PARD3B: variants seen among roughly 807,000 people sequenced by gnomAD.
PARD3B encodes the protein par-3 family cell polarity regulator beta, also known as partitioning defective 3 homolog B.
PARD3B carries 103 observed loss-of-function variants against 130.2 expected under a neutral mutation model. The observed-to-expected ratio is 0.79, with a 90% CI of 0.67 to 0.93. The LOEUF (loss-of-function observed/expected upper bound fraction) is 0.93. PARD3B is among the 40% of genes least tolerant of loss of function. The probability of loss-of-function intolerance (pLI) is 0.00; values close to 1 mark genes in which losing one functional copy is unlikely to be tolerated. For synonymous variants in PARD3B, 583 were observed against 553.2 expected (o/e 1.05, Z -0.76); for missense variants, 1,609 against 1,499.2 (o/e 1.07, Z -1.21).
intron 2 of PARD3B, among the ~76,000 whole-genome samples, chr2:204,888,544 C>A (rs2046338586): frequency 6.6e-6 from 1 of 152,106 alleles, no homozygotes; most frequent in South Asian, 2.1e-4. Context: ...CCAGTCTTGG[C>A]AACATGGTGA....
chr2:205,570,121 A>G (rs1290515001), intron 22 of PARD3B, among the ~76,000 whole-genome samples: 2 of 152,208 alleles, frequency 1.3e-5, no homozygotes, highest in East Asian at 3.8e-4. Flanking sequence ...GAAAGGAACT[A>G]TGAGAGGAGC....
rs182091906 is a variant in PARD3B at position 205,112,843 on chromosome 2, A to G, written c.594-648A>G. 6.7e-3 allele frequency among the ~76,000 whole-genome samples: 1,017 copies of G among 152,168 alleles called. 5 individuals carry two copies. Among genetic ancestry groups the G allele is most frequent in the Non-Finnish European group, 8.7e-3 (590 of 67,970 alleles). On this transcript the variant is annotated intron_variant, in intron 5 of 22. Transcript: ENST00000406610. ...TTTCTTTCTATAATACATTTTCTTC[A>G]GGCTTTGCAACCTCTTTTTCTACCT...
At position 205,309,524 on chromosome 2, in the gene PARD3B, C is replaced by G. The variant is rs1318270479; in HGVS notation, c.2630+7823C>G. On this transcript the variant is annotated intron_variant, in intron 18 of 22. Coordinates refer to ENST00000406610, the MANE Select transcript of PARD3B (RefSeq NM_001302769.2). This position sits in a 1 kb window ranked among gnomAD's most constrained non-coding sequence, Gnocchi z 4.7. ...CTATTTTATTTAAACTAGGGGAATT[C>G]TATATAAAGACATCCTGCTGTGAAT... 2.6e-5 allele frequency among the ~76,000 whole-genome samples: 4 copies of G among 152,156 alleles called. No homozygotes were observed. Among genetic ancestry groups the G allele is most frequent in the Admixed American group, 2.0e-4 (3 of 15,274 alleles).
At chr2:204,573,727 T>C (rs532460684) in intron 1 of PARD3B, among the ~76,000 whole-genome samples, 4 of 152,186 alleles carry the variant, frequency 2.6e-5, no homozygotes, top group Admixed American at 6.5e-5. Context: ...CACATCACTG[T>C]TTGTCCTTCT....
intron 1 of PARD3B, among the ~76,000 whole-genome samples, chr2:204,601,862 C>A (rs1489620126): frequency 3.3e-5 from 5 of 151,960 alleles, no homozygotes; most frequent in African/African-American, 4.8e-5. Flanking sequence ...GAATTCTAGG[C>A]ATTTATAGAA....
intron 18 of PARD3B, among the ~76,000 whole-genome samples, chr2:205,353,428 T>G (rs926603382): frequency 6.6e-6 from 1 of 152,156 alleles, no homozygotes; most frequent in African/African-American, 2.4e-5. Flanking sequence ...AGACTAGGCC[T>G]TACTCATCAT....
chr2:204,762,116 A>AT (rs968166780), intron 2 of PARD3B, among the ~76,000 whole-genome samples: 6,849 of 95,394 alleles, frequency 0.072, 367 homozygotes, highest in East Asian at 0.14. Context: ...TTCTTTTTCT[A>AT]TTTTTTTTTT....
intron 2 of PARD3B, among the ~76,000 whole-genome samples, chr2:204,936,060 T>A (rs977596708): frequency 3.9e-5 from 6 of 152,244 alleles, no homozygotes; most frequent in African/African-American, 1.4e-4. Flanking sequence ...AAGATGGTTA[T>A]AGATAGTCAG....
intron 15 of PARD3B, among the ~76,000 whole-genome samples, chr2:205,201,058 C>T (rs921377293): frequency 6.6e-6 from 1 of 151,980 alleles, no homozygotes; most frequent in Admixed American, 6.6e-5. Flanking sequence ...ATTATGGGTA[C>T]AATATTTTAA....
intron 15 of PARD3B, among the ~76,000 whole-genome samples, chr2:205,226,480 A>G (rs2038557285): frequency 6.6e-6 from 1 of 152,122 alleles, no homozygotes; most frequent in Non-Finnish European, 1.5e-5. Flanking sequence ...TAGTAGTTTC[A>G]TGGTTTGGGG....
chr2:205,400,752 C>T (rs780366969), intron 18 of PARD3B, among the ~76,000 whole-genome samples: 1 of 151,462 alleles, frequency 6.6e-6, no homozygotes, highest in Non-Finnish European at 1.5e-5. Context: ...CATAAAAGCA[C>T]GTGATATTGT....
rs73054997 is a variant in PARD3B at position 205,050,362 on chromosome 2, A to C, written c.504+2672A>C. 4.9e-3 allele frequency among the ~76,000 whole-genome samples: 741 copies of C among 151,952 alleles called. 8 individuals are homozygous for C. The highest frequency in any genetic ancestry group is 0.017 in the African/African-American group (711 of 41,492). ...CTATTATGCAAACATTAATAAAGAC[A>C]CTTAGGTGTGTTTATTTTTACTAGA... On this transcript the variant is annotated intron_variant, in intron 4 of 22. Coordinates refer to ENST00000406610, the MANE Select transcript of PARD3B (RefSeq NM_001302769.2).
chr2:204,954,387 T>C (rs967432135), intron 2 of PARD3B, among the ~76,000 whole-genome samples: 4 of 152,192 alleles, frequency 2.6e-5, no homozygotes, highest in African/African-American at 9.6e-5. Flanking sequence ...CCTCCACCAG[T>C]TGCTCAGCTG....
chr2:204,849,963 G>C (rs2044641773), intron 2 of PARD3B, among the ~76,000 whole-genome samples: 1 of 152,102 alleles, frequency 6.6e-6, no homozygotes, highest in Non-Finnish European at 1.5e-5. Context: ...GAAATAAATT[G>C]GTATTTTTCT....
intron 18 of PARD3B, among the ~76,000 whole-genome samples, chr2:205,346,026 C>T (rs1401294881): frequency 7.9e-6 from 1 of 126,942 alleles, no homozygotes; most frequent in Non-Finnish European, 1.8e-5. Flanking sequence ...AAAAAATTAG[C>T]CGGGCGTGGT....
rs191254468 is a variant in PARD3B at position 204,610,481 on chromosome 2, G to A, written c.120+64362G>A. Among the ~76,000 whole-genome samples, 16 of 152,146 alleles carry A rather than the reference G, an allele frequency of 1.1e-4. No individual in the cohort carries two copies. The East Asian group carries it at 2.9e-3, about 28-fold the overall frequency. ...AGCGATTCTCCTGCGTCAGCCTCCC[G>A]AGTGGCTGGGATTACAGATGCACAC... On this transcript the variant is annotated intron_variant, in intron 1 of 22. Transcript: ENST00000406610. The surrounding 1 kb of genome is among the most constrained non-coding windows in gnomAD (Gnocchi z 4.1).
chr2:204,628,279 T>TG (rs774845788), intron 1 of PARD3B, among the ~76,000 whole-genome samples: 228 of 18,884 alleles, frequency 0.012, 1 homozygote, highest in Admixed American at 0.058. Flanking sequence ...TAAATTCCCG[T>TG]TTTTTTTTTT....
chr2:205,541,829 T>C (rs992470414), intron 21 of PARD3B, among the ~76,000 whole-genome samples: 5 of 151,858 alleles, frequency 3.3e-5, no homozygotes, highest in African/African-American at 1.2e-4. Context: ...GAAACAGATA[T>C]CCTGCCATAG....
chr2:204,793,289 C>A (rs1355014526), intron 2 of PARD3B, among the ~76,000 whole-genome samples: 1 of 151,972 alleles, frequency 6.6e-6, no homozygotes, highest in Non-Finnish European at 1.5e-5. Flanking sequence ...CTTGTCTATT[C>A]TCTGCTACTT....
Sources: allele counts gnomAD v4.1 joint callset (sites outside exome capture counted in the v4.1 genomes callset), GRCh38; gene constraint gnomAD v4.1.1; non-coding constraint Gnocchi (gnomAD v3.1); transcripts MANE v1.5; gene names NCBI Gene and HGNC (gene_info 2026-07-23, HGNC 2026-07-21).